The following ZFHX4 variants were observed in gnomAD, a reference collection of about 807,000 sequenced individuals.
ZFHX4 encodes the protein zinc finger homeobox 4.
A neutral mutation model predicts 267.6 loss-of-function variants in ZFHX4; 56 were observed. The observed-to-expected ratio is 0.21, with a 90% CI of 0.17 to 0.26. The LOEUF is 0.26. Among genes scored for constraint, ZFHX4 ranks in the 10% least tolerant of loss-of-function variants. ZFHX4 has a pLI of 1.00. For missense variants in ZFHX4, 4,332 were observed against 4,420.0 expected (o/e 0.98, Z 0.56); for synonymous variants, 1,778 against 1,665.6 (o/e 1.07, Z -1.64).
intron 3 of ZFHX4, among the ~76,000 whole-genome samples, chr8:76,759,183 T>C (rs1809844250): frequency 6.6e-6 from 1 of 152,190 alleles, no homozygotes; most frequent in Non-Finnish European, 1.5e-5. Flanking sequence ...TATGCTTCCA[T>C]AGATGTTATT....
At chr8:76,716,400 C>A (rs1349191978) in intron 3 of ZFHX4, among the ~76,000 whole-genome samples, 2 of 152,104 alleles carry the variant, frequency 1.3e-5, no homozygotes, top group African/African-American at 2.4e-5. Flanking sequence ...ACTTCACATA[C>A]TTTTCCTAAC....
chr8:76,704,031 T>C lies in ZFHX4; in HGVS notation c.-46-12T>C. The C allele has an allele frequency of 6.7e-7, 1 of 1,497,272 alleles. No homozygotes were observed. The highest frequency in any genetic ancestry group is 8.9e-7 in the Non-Finnish European group (1 of 1,121,552). The allele number at this position is 1,497,272 out of a possible 1,614,324, so 92.7% of individuals were successfully genotyped here. A position where few individuals can be genotyped will look rare whatever the true frequency, so the allele number is the denominator to read the frequency against. On this transcript the variant is annotated splice_polypyrimidine_tract_variant and intron_variant, in intron 1 of 10. Transcript: ENST00000651372. ...AATAAAAATGGCTTCTCTCACCTTATTTTTTATCCAGGTCCCTGACAGGCT... is the reference window on the plus strand; with the variant it reads ...AATAAAAATGGCTTCTCTCACCTTACTTTTTATCCAGGTCCCTGACAGGCT...
At position 76,849,659 on chromosome 8, in the gene ZFHX4, C is replaced by T. The variant is rs1181360687; in HGVS notation, c.3793C>T (p.Leu1265=). ...CAACAAAATGCATCTCCAACTGCAT[C>T]TGACGCATTTGCACAGTGTGTCTCC... ...LSNKMHLQLH[L]THLHSVSPDC... is the part of the protein sequence containing the mutation. The change falls in exon 8 of 11, where the codon CTG becomes TTG. Residue 1265 remains leucine (L), a synonymous_variant. Coordinates refer to ENST00000651372, the MANE Select transcript of ZFHX4 (RefSeq NM_024721.5). The T allele has an allele frequency of 6.2e-7, 1 of 1,613,974 alleles. No individual in the cohort carries two copies. The highest frequency in any genetic ancestry group is 1.1e-5 in the South Asian group (1 of 91,086).
intron 4 of ZFHX4, among the ~76,000 whole-genome samples, chr8:76,785,633 T>C (rs187519990): frequency 6.6e-6 from 1 of 152,270 alleles, no homozygotes; most frequent in East Asian, 1.9e-4. Context: ...TTTACAAAAA[T>C]TACAATGATT....
chr8:76,778,314 G>A lies in ZFHX4; in HGVS notation c.3200G>A (p.Arg1067His), dbSNP rs750806468. 9.9e-6 allele frequency: 16 copies of A among 1,613,822 alleles called. No individual in the cohort carries two copies. Among genetic ancestry groups the A allele is most frequent in the East Asian group, 8.9e-5 (4 of 44,858 alleles). The change falls in exon 4 of 11, where the codon CGT becomes CAT. Residue 1067 changes from arginine (R) to histidine (H), a missense_variant. Around this residue, in one of 7 missense-constraint regions of ZFHX4, gnomAD observed 1,371 missense variants for 1,423.1 expected, o/e 0.96. Transcript: ENST00000651372. ...AAGTTGAATCTGGTACAACATGTCC[G>A]TTCGGTGAAGCATCAGCAGACTGAG... ...KVKLNLVQHV[R>H]SVKHQQTEGL...
In ZFHX4 at chr8:76,852,271, A is replaced by T. The variant is rs757364187; in HGVS notation, c.5350A>T (p.Thr1784Ser). ...TGAAGACCTAAAGCAGCAGATTCAA[A>T]CCCAACATCACGTTGGTCAAACTCA... ...LLEDLKQQIQ[T>S]QHHVGQTQLQ... Residue 1784 changes from threonine (T) to serine (S), a missense_variant, in exon 10 of 11, where the codon ACC (threonine) becomes TCC (serine). Coordinates refer to ENST00000651372, the MANE Select transcript of ZFHX4 (RefSeq NM_024721.5). 3.2e-6 allele frequency: 5 copies of T among 1,583,028 alleles called. No homozygotes were observed. In the East Asian group the frequency reaches 1.1e-4, roughly 36 times the overall value.
chr8:76,854,702 A>G lies in ZFHX4; in HGVS notation c.7781A>G (p.Glu2594Gly), dbSNP rs1471916716. 1.2e-6 allele frequency: 2 copies of G among 1,613,792 alleles called. No individual in the cohort carries two copies. Among genetic ancestry groups the G allele is most frequent in the Non-Finnish European group, 1.7e-6 (2 of 1,179,838 alleles). Residue 2594 changes from glutamate to glycine, a missense_variant, in exon 10 of 11, where the codon GAA becomes GGA. Glu to Gly is a moderately conservative substitution (Grantham distance 98). This residue lies in a region of ZFHX4 where 1,648 missense variants were observed against 1,625.0 expected (regional missense o/e 1.01). Transcript: ENST00000651372. ...GAAGATAATAATTGCAGTGAAAAAGAAGGAGGGAATAGCGGTGAAGACCAA... is the reference window on the plus strand; with the variant it reads ...GAAGATAATAATTGCAGTGAAAAAGGAGGAGGGAATAGCGGTGAAGACCAA... Reference protein sequence around the residue: ...DKEDNNCSEKEGGNSGEDQHR... With the variant: ...DKEDNNCSEKGGGNSGEDQHR...
rs1563559137 is a variant in ZFHX4, at chr8:76,851,673, C to T, written c.4752C>T (p.Thr1584=). ...CCTCCAGTCCTGTCCCACAAGAAAC[C>T]AACAGCAACACAGATAACAAACCCT... ...QEASSPVPQE[T]NSNTDNKPYK... Residue 1584 remains threonine (T), a synonymous_variant, in exon 10 of 11, where the codon ACC becomes ACT. Coordinates refer to ENST00000651372, the MANE Select transcript of ZFHX4 (RefSeq NM_024721.5). 6.2e-7 allele frequency: 1 copy of T among 1,613,832 alleles called. No individual in the cohort carries two copies.
chr8:76,863,111 G>T lies in ZFHX4; in HGVS notation c.9397G>T (p.Ala3133Ser). 1 of 1,525,108 alleles carries T rather than the reference G, an allele frequency of 6.6e-7. No homozygotes were observed. Among genetic ancestry groups the T allele is most frequent in the Non-Finnish European group, 8.8e-7 (1 of 1,135,090 alleles). 94.5% of individuals were successfully genotyped at this position (1,525,108 alleles called of 1,614,324 possible). Residue 3133 changes from alanine to serine, a missense_variant, in exon 11 of 11, where the codon GCA becomes TCA. This residue lies in a region of ZFHX4 where 1,648 missense variants were observed against 1,625.0 expected (regional missense o/e 1.01). Transcript: ENST00000651372. Reference sequence around the variant, plus strand: ...GTTTTCAGCTTTAACACCTCCCGGTGCAGGCATGCTTGGGTTTCCTACTTC... The same window carrying T: ...GTTTTCAGCTTTAACACCTCCCGGTTCAGGCATGCTTGGGTTTCCTACTTC... ...QNSNTLTPPG[A>S]GMLGFPTSAT...
At chr8:76,816,221 A>G (rs187222332) in intron 4 of ZFHX4, among the ~76,000 whole-genome samples, 3 of 152,318 alleles carry the variant, frequency 2.0e-5, no homozygotes, top group South Asian at 2.1e-4. Context: ...TGCTATTTAT[A>G]TAGGTTGAGT....
chr8:76,721,519 T>C (rs1283766902), intron 3 of ZFHX4, among the ~76,000 whole-genome samples: 2 of 152,198 alleles, frequency 1.3e-5, no homozygotes, highest in Non-Finnish European at 2.9e-5. Context: ...AGCAAATACC[T>C]TATACTTTTT....
Position 76,863,345 on chromosome 8 carries a change from A to G in ZFHX4, c.9631A>G (p.Lys3211Glu), listed in dbSNP as rs1451402319. 4.3e-6 allele frequency: 7 copies of G among 1,613,838 alleles called. No individual in the cohort carries two copies. Among genetic ancestry groups the G allele is most frequent in the Non-Finnish European group, 5.9e-6 (7 of 1,179,838 alleles). Reference sequence around the variant, plus strand: ...CAAAGAGGAGGAATTAGAGGCCACCAAACCCGAAAAACACCCCAAAAAAGA... The same window carrying G: ...CAAAGAGGAGGAATTAGAGGCCACCGAACCCGAAAAACACCCCAAAAAAGA... ...KIKEEELEAT[K>E]PEKHPKKEEK... is the part of the protein sequence containing the mutation. Residue 3211 changes from lysine (K) to glutamate (E), a missense_variant, in exon 11 of 11, where the codon AAA becomes GAA. Lys to Glu is a moderately conservative substitution (Grantham distance 56, BLOSUM62 1). Coordinates refer to ENST00000651372, the MANE Select transcript of ZFHX4 (RefSeq NM_024721.5).
chr8:76,863,685 A>G lies in ZFHX4; in HGVS notation c.9971A>G (p.Gln3324Arg), dbSNP rs1382948921. The G allele has an allele frequency of 2.5e-6, 4 of 1,594,332 alleles. No individual in the cohort carries two copies. The highest frequency in any genetic ancestry group is 1.3e-5 in the African/African-American group (1 of 74,700). ...TTGCAGCAGTACCAACAGTATCAGCAGAACCTGCAGGAGTCCCTGCAAAAG... is the reference window on the plus strand; with the variant it reads ...TTGCAGCAGTACCAACAGTATCAGCGGAACCTGCAGGAGTCCCTGCAAAAG... Reference protein sequence around the residue: ...ALLQQYQQYQQNLQESLQKQQ... With the variant: ...ALLQQYQQYQRNLQESLQKQQ... Residue 3324 changes from glutamine (Q) to arginine (R), a missense_variant, in exon 11 of 11, where the codon CAG becomes CGG. Transcript: ENST00000651372.
chr8:76,828,622 A>G (rs1563545162), intron 4 of ZFHX4, among the ~76,000 whole-genome samples: 2 of 152,230 alleles, frequency 1.3e-5, no homozygotes, highest in Non-Finnish European at 2.9e-5. Context: ...GCTCTAAAAT[A>G]TCCTTTTACA....
At chr8:76,848,183 C>T (rs1812413394) in intron 6 of ZFHX4, among the ~76,000 whole-genome samples, 1 of 152,206 alleles carries the variant, frequency 6.6e-6, no homozygotes, top group South Asian at 2.1e-4. Flanking sequence ...ACATGCCTAC[C>T]CAATGTCGCT....
At chr8:76,775,365 C>T (rs1810375370) in intron 3 of ZFHX4, among the ~76,000 whole-genome samples, 1 of 152,196 alleles carries the variant, frequency 6.6e-6, no homozygotes, top group Non-Finnish European at 1.5e-5. Flanking sequence ...AAAATGTACG[C>T]TGGGTAAGAA....
intron 4 of ZFHX4, among the ~76,000 whole-genome samples, chr8:76,787,436 A>G (rs1221560423): frequency 6.6e-6 from 1 of 152,102 alleles, no homozygotes; most frequent in African/African-American, 2.4e-5. Flanking sequence ...TCAAAACCAC[A>G]GGGTGTGTTG....
intron 1 of ZFHX4, among the ~76,000 whole-genome samples, chr8:76,702,728 G>A (rs559217035): frequency 3.9e-5 from 6 of 152,230 alleles, no homozygotes; most frequent in Non-Finnish European, 8.8e-5. Context: ...TTAAATTAAG[G>A]TGCTGGCCTT....
intron 3 of ZFHX4, among the ~76,000 whole-genome samples, chr8:76,734,136 G>T (rs542018843): frequency 6.6e-6 from 1 of 152,154 alleles, no homozygotes; most frequent in South Asian, 2.1e-4. Flanking sequence ...TATTATAAAC[G>T]CCAGCCTTTA....
Sources: allele counts gnomAD v4.1 joint callset (sites outside exome capture counted in the v4.1 genomes callset), GRCh38; gene constraint gnomAD v4.1.1; regional missense constraint gnomAD v4.1.1; transcripts MANE v1.5; gene names NCBI Gene and HGNC (gene_info 2026-07-23, HGNC 2026-07-21).